The following CDC42SE2 variants were observed in gnomAD, a reference collection of about 807,000 sequenced individuals.
CDC42SE2 encodes the protein CDC42 small effector 2, also known as CDC42 small effector protein 2.
In CDC42SE2, 3 loss-of-function variants were observed where a neutral mutation model predicts 11.5. That is an observed-to-expected ratio of 0.26 (90% confidence interval 0.12 to 0.67). CDC42SE2 has a LOEUF of 0.67. Ranked by LOEUF, CDC42SE2 falls within the 30% of genes least tolerant of loss-of-function variation. The pLI is 0.80. For missense variants in CDC42SE2, 82 were observed against 106.8 expected, an observed-to-expected ratio of 0.77 and a Z score of 1.02; for synonymous variants, 33 against 34.8, an observed-to-expected ratio of 0.95 and a Z score of 0.18.
At chr5:131,385,761 T>G (rs1414436268) in intron 4 of CDC42SE2, 117 bp downstream of exon 4, 1 of 565,864 alleles carries the variant, frequency 1.8e-6, no homozygotes, top group Admixed American at 3.2e-5. Flanking sequence ...GTACAGTGAA[T>G]GTAAATACAT....
At chr5:131,351,140 C>G (rs974510043) in intron 2 of CDC42SE2, among the ~76,000 whole-genome samples, 32 of 151,944 alleles carry the variant, frequency 2.1e-4, no homozygotes, top group African/African-American at 7.2e-4. Context: ...AGAGACGGGA[C>G]TTTGCTGCCC....
intron 3 of CDC42SE2, among the ~76,000 whole-genome samples, chr5:131,373,055 C>G (rs1039369918): frequency 1.3e-5 from 2 of 152,050 alleles, no homozygotes; most frequent in African/African-American, 4.8e-5. Flanking sequence ...ACCATCAAAC[C>G]TTAAAGAGCT....
chr5:131,372,813 A>G (rs1380501611), intron 3 of CDC42SE2, among the ~76,000 whole-genome samples: 2 of 152,144 alleles, frequency 1.3e-5, no homozygotes, highest in Admixed American at 1.3e-4. Flanking sequence ...ATCCCTGCAA[A>G]TGAGAATAAT....
At chr5:131,368,168 G>A (rs1317258126) in intron 3 of CDC42SE2, among the ~76,000 whole-genome samples, 2 of 151,462 alleles carry the variant, frequency 1.3e-5, no homozygotes, top group Non-Finnish European at 2.9e-5. Flanking sequence ...CAGGAGAATG[G>A]CGTGAACCTG....
intron 1 of CDC42SE2, among the ~76,000 whole-genome samples, chr5:131,249,813 T>A (rs1230628650): frequency 6.6e-6 from 1 of 151,962 alleles, no homozygotes; most frequent in African/African-American, 2.4e-5. Context: ...AATCCAGGAG[T>A]TCGAGGTTGC....
intron 2 of CDC42SE2, among the ~76,000 whole-genome samples, chr5:131,356,890 A>G (rs1231913705): frequency 1.3e-5 from 2 of 152,234 alleles, no homozygotes; most frequent in African/African-American, 4.8e-5. Flanking sequence ...CCTGGGCAAC[A>G]CAGTGAGACC....
intron 2 of CDC42SE2, among the ~76,000 whole-genome samples, chr5:131,356,480 A>G (rs1335536672): frequency 2.6e-5 from 4 of 152,242 alleles, no homozygotes; most frequent in Non-Finnish European, 5.9e-5. Context: ...AGATGTATTG[A>G]TATCACATTC....
chr5:131,351,497 G>A lies in CDC42SE2; in HGVS notation c.-285-7712G>A, dbSNP rs549497776. ...TCTCGATCTCCTGACCTTGTGATCC[G>A]CCCGCCTTGGCCTCCCAAAGTGTTG... On this transcript the variant is annotated intron_variant, in intron 2 of 4. Coordinates refer to ENST00000505065, the MANE Select transcript of CDC42SE2 (RefSeq NM_001375635.1). Among the ~76,000 whole-genome samples, 99 of 152,140 alleles carry A rather than the reference G, an allele frequency of 6.5e-4. 1 individual carries two copies. Among genetic ancestry groups the A allele is most frequent in the Non-Finnish European group, 1.0e-3 (69 of 68,006 alleles).
the CDC42SE2 span, among the ~76,000 whole-genome samples, chr5:131,218,168 C>T: frequency 1.7e-5 from 2 of 120,844 alleles, no homozygotes; most frequent in Non-Finnish European, 3.2e-5. Context: ...AAGGAAGACC[C>T]TGTCTCAAAA....
chr5:131,294,656 A>G (rs566248318), intron 1 of CDC42SE2, among the ~76,000 whole-genome samples: 9 of 152,290 alleles, frequency 5.9e-5, no homozygotes, highest in African/African-American at 1.9e-4. Context: ...TTGCAGTTAT[A>G]AATAGGATGG....
rs1424924323 is a variant in CDC42SE2 at position 131,394,430 on chromosome 5, C to T, written c.*3339C>T. On this transcript the variant is annotated 3_prime_UTR_variant, in exon 5 of 5. Transcript: ENST00000505065. ...GGCCTTTAAAAATACTTCGTAAGTA[C>T]ATTAGCTTTCACTTTGTTGTTAAAT... The T allele has an allele frequency of 6.6e-6, 1 of 152,306 alleles. No homozygotes were observed. Among genetic ancestry groups the T allele is most frequent in the African/African-American group, 2.4e-5 (1 of 41,434 alleles). 9.4% of individuals were successfully genotyped at this position (152,306 alleles called of 1,614,324 possible). A position where few individuals can be genotyped will look rare whatever the true frequency, so the allele number is the denominator to read the frequency against.
At chr5:131,329,922 A>AAAAAG (rs1758384438) in intron 2 of CDC42SE2, among the ~76,000 whole-genome samples, 1 of 136,526 alleles carries the variant, frequency 7.3e-6, no homozygotes, top group Non-Finnish European at 1.6e-5. Context: ...AAAAAAAAAA[A>AAAAAG]GAAGAAGCGC....
At chr5:131,253,745 A>G (rs1756658522) in intron 1 of CDC42SE2, among the ~76,000 whole-genome samples, 1 of 152,230 alleles carries the variant, frequency 6.6e-6, no homozygotes, top group Non-Finnish European at 1.5e-5. Context: ...AGCCTGGGCA[A>G]CAAGAGTGAA....
chr5:131,320,632 C>T (rs757378335), intron 2 of CDC42SE2, among the ~76,000 whole-genome samples: 17 of 151,562 alleles, frequency 1.1e-4, no homozygotes, highest in Non-Finnish European at 2.5e-4. Flanking sequence ...ATCTCAGCTA[C>T]TTGGGAGGCT....
chr5:131,325,487 T>TG (rs1010049751), intron 2 of CDC42SE2, among the ~76,000 whole-genome samples: 33 of 151,824 alleles, frequency 2.2e-4, no homozygotes, highest in Non-Finnish European at 4.0e-4. Flanking sequence ...TTAAGTGGTT[T>TG]TTTTTTTTTT....
In CDC42SE2 at chr5:131,306,561, T is replaced by G. The variant is rs115641506; in HGVS notation, c.-454-9415T>G. On this transcript the variant is annotated intron_variant, in intron 1 of 4. Transcript: ENST00000505065. ...CAGCTTTGTTTTGCTCAAGATTGCT[T>G]TGTCTGTTTGACGTCTTTTGTGGTT... 4.0e-3 allele frequency among the ~76,000 whole-genome samples: 616 copies of G among 152,334 alleles called. 6 individuals carry two copies. The highest frequency in any genetic ancestry group is 0.014 in the African/African-American group (596 of 41,568).
chr5:131,234,891 ATTT>A, the CDC42SE2 span, among the ~76,000 whole-genome samples: 3 of 135,048 alleles, frequency 2.2e-5, no homozygotes, highest in East Asian at 2.1e-4. Context: ...GTGAGGGCAA[ATTT>A]TTTTTTTTTT....
chr5:131,305,250 G>A (rs568459041), intron 1 of CDC42SE2, among the ~76,000 whole-genome samples: 136 of 152,268 alleles, frequency 8.9e-4, no homozygotes, highest in African/African-American at 3.2e-3. Context: ...TCCAGTTGAT[G>A]AATTGTTTCC....
At chr5:131,305,831 G>A (rs1299946695) in intron 1 of CDC42SE2, among the ~76,000 whole-genome samples, 3 of 152,148 alleles carry the variant, frequency 2.0e-5, no homozygotes, top group African/African-American at 7.2e-5. Context: ...AAATTGCTCA[G>A]ACCAATGTCA....
Sources: gnomAD v4.1 joint callset for allele counts (sites outside exome capture counted in the v4.1 genomes callset) on GRCh38, gnomAD v4.1.1 for gene constraint, MANE v1.5 for transcripts, NCBI Gene and HGNC (gene_info 2026-07-23, HGNC 2026-07-21) for gene names.